Variants in NR2F6 observed in about 807,000 individuals in gnomAD.
NR2F6 encodes the protein nuclear receptor subfamily 2 group F member 6.
In NR2F6, 16 loss-of-function variants were observed where a neutral mutation model predicts 26.5. The observed-to-expected ratio is 0.60, with a 90% CI of 0.41 to 0.92. NR2F6 has a LOEUF of 0.92. Among genes scored for constraint, NR2F6 ranks in the 40% least tolerant of loss-of-function variants. NR2F6 has a pLI of 0.00. For synonymous variants in NR2F6, 325 were observed against 305.0 expected (o/e 1.07, Z -0.68); for missense variants, 536 against 631.7 (o/e 0.85, Z 1.62).
In NR2F6 at chr19:17,244,941, AC is replaced by A; in HGVS notation, c.278+1del. On this transcript the variant is annotated splice_donor_variant, in intron 1 of 3. Coordinates refer to ENST00000291442, the MANE Select transcript of NR2F6 (RefSeq NM_005234.4). LOFTEE classifies it high-confidence loss of function. ...GCGGCGGCGCGCGGATGGGGGGCTC[AC>A]CGGCAGGTGTAGCTGAGGTTGCGGC... 1 of 1,560,780 alleles carries A rather than the reference AC, an allele frequency of 6.4e-7. No individual in the cohort carries two copies. The highest frequency in any genetic ancestry group is 8.7e-7 in the Non-Finnish European group (1 of 1,153,084).
At position 17,232,726 on chromosome 19, in the gene NR2F6, C is replaced by T. The variant is rs955823577; in HGVS notation, c.941-100G>A. The T allele has an allele frequency of 1.2e-5, 17 of 1,393,684 alleles. No individual in the cohort carries two copies. The African/African-American group carries it at 2.5e-4, about 20-fold the overall frequency. The allele number at this position is 1,393,684 out of a possible 1,614,324, so 86.3% of individuals were successfully genotyped here. ...CACCACTCGCCACTGTGGGTAAGAA[C>T]AGGGGGCCGGGCATGATGGCTCACG... On this transcript the variant is annotated intron_variant, in intron 3 of 3. Transcript: ENST00000291442.
intron 2 of NR2F6, among the ~76,000 whole-genome samples, chr19:17,237,919 C>T (rs1024150581): frequency 1.2e-4 from 18 of 152,234 alleles, no homozygotes; most frequent in African/African-American, 3.4e-4. Flanking sequence ...GCAGGAAGAT[C>T]GCTTGAGCCC....
chr19:17,235,845 G>A lies in NR2F6; in HGVS notation c.594C>T (p.Gly198=), dbSNP rs1215916778. The A allele has an allele frequency of 1.4e-6, 2 of 1,473,524 alleles. No homozygotes were observed. Among genetic ancestry groups the A allele is most frequent in the Non-Finnish European group, 8.9e-7 (1 of 1,120,928 alleles). 91.3% of individuals were successfully genotyped at this position (1,473,524 alleles called of 1,614,324 possible). A position where few individuals can be genotyped will look rare whatever the true frequency, so the allele number is the denominator to read the frequency against. Residue 198 remains glycine (G), a synonymous_variant, in exon 3 of 4, where the codon GGC becomes GGT. Coordinates refer to ENST00000291442, the MANE Select transcript of NR2F6 (RefSeq NM_005234.4). The surrounding 1 kb of genome is among the most constrained non-coding windows in gnomAD (Gnocchi z 5.0). The part of the protein sequence containing the change: ...AGGGAAGAVL[G]IDNVCELAAR... ...CCGCCAGCTCGCACACGTTGTCGAT[G>A]CCCAGCACCGCGCCCGCCGCGCCGC...
Position 17,235,759 on chromosome 19 carries a change from G to T in NR2F6, c.680C>A (p.Pro227Gln), listed in dbSNP as rs2073432929. Residue 227 changes from proline to glutamine, a missense_variant, in exon 3 of 4, where the codon CCG becomes CAG. By Grantham distance (76) the Pro-to-Gln change is moderately conservative. Coordinates refer to ENST00000291442, the MANE Select transcript of NR2F6 (RefSeq NM_005234.4). The surrounding 1 kb of genome is among the most constrained non-coding windows in gnomAD (Gnocchi z 5.0). Reference protein sequence around the residue: ...ARHAPFFPELPVADQVALLRL... With the variant: ...ARHAPFFPELQVADQVALLRL... ...CAGCAGCGCCACCTGGTCGGCCACCGGCAGCTCGGGGAAGAAGGGCGCGTG... is the reference window on the plus strand; with the variant it reads ...CAGCAGCGCCACCTGGTCGGCCACCTGCAGCTCGGGGAAGAAGGGCGCGTG... 2 of 1,499,814 alleles carry T rather than the reference G, an allele frequency of 1.3e-6. No homozygotes were observed. The highest frequency in any genetic ancestry group is 2.5e-5 in the South Asian group (2 of 80,574). 92.9% of individuals were successfully genotyped at this position (1,499,814 alleles called of 1,614,324 possible). A position where few individuals can be genotyped will look rare whatever the true frequency, so the allele number is the denominator to read the frequency against.
At chr19:17,236,098 GC>G in intron 2 of NR2F6, 33 bp from the exon 3 acceptor site, 2 of 759,938 alleles carry the variant, frequency 2.6e-6, no homozygotes, top group East Asian at 7.9e-5. Flanking sequence ...GGACATGGGG[GC>G]GGGAGGGGAG....
chr19:17,239,126 C>G (rs1378973276), intron 2 of NR2F6, among the ~76,000 whole-genome samples: 1 of 151,948 alleles, frequency 6.6e-6, no homozygotes, highest in Non-Finnish European at 1.5e-5. Flanking sequence ...ATCACGAGAT[C>G]AGGAGATCGA....
chr19:17,235,620 C>G lies in NR2F6; in HGVS notation c.819G>C (p.Glu273Asp), dbSNP rs752973936. 3.6e-5 allele frequency: 56 copies of G among 1,553,574 alleles called. No homozygotes were observed. Among genetic ancestry groups the G allele is most frequent in the Non-Finnish European group, 4.8e-5 (56 of 1,158,642 alleles). Residue 273 changes from glutamate (E) to aspartate (D), a missense_variant, in exon 3 of 4, where the codon GAG becomes GAC. By Grantham distance (45) the Glu-to-Asp change is conservative. Transcript: ENST00000291442. This position sits in a 1 kb window ranked among gnomAD's most constrained non-coding sequence, Gnocchi z 5.0. The part of the protein sequence containing the change: ...AGLHAAPMAA[E>D]RAVAFMDQVR... ...CCTGGTCCATGAAAGCCACGGCGCG[C>G]TCGGCGGCCATAGGCGCGGCGTGGA...
In NR2F6 at chr19:17,232,716, TG is replaced by T. The variant is rs796452155; in HGVS notation, c.941-91del. On this transcript the variant is annotated intron_variant, in intron 3 of 3. Coordinates refer to ENST00000291442, the MANE Select transcript of NR2F6 (RefSeq NM_005234.4). Reference sequence around the variant, plus strand: ...GACTAGGGGACACCACTCGCCACTGTGGGTAAGAACAGGGGGCCGGGCATGA... The same window carrying T: ...GACTAGGGGACACCACTCGCCACTGTGGTAAGAACAGGGGGCCGGGCATGA... 2.1e-6 allele frequency: 3 copies of T among 1,440,174 alleles called. No individual in the cohort carries two copies. In the African/African-American group the frequency reaches 4.3e-5, roughly 20 times the overall value. 89.2% of individuals were successfully genotyped at this position (1,440,174 alleles called of 1,614,324 possible). A position where few individuals can be genotyped will look rare whatever the true frequency, so the allele number is the denominator to read the frequency against.
At chr19:17,239,898 G>C (rs1028628618) in intron 2 of NR2F6, among the ~76,000 whole-genome samples, 2 of 152,118 alleles carry the variant, frequency 1.3e-5, no homozygotes, top group Admixed American at 1.3e-4. Context: ...ACATTAGAAA[G>C]AACTGCCAGC....
At chr19:17,238,400 G>A (rs2073450821) in intron 2 of NR2F6, among the ~76,000 whole-genome samples, 1 of 152,164 alleles carries the variant, frequency 6.6e-6, no homozygotes, top group South Asian at 2.1e-4. Flanking sequence ...CTGAGGAGGT[G>A]ATGTTTGAGC....
At chr19:17,233,612 G>A (rs59718701) in intron 3 of NR2F6, among the ~76,000 whole-genome samples, 2 of 152,036 alleles carry the variant, frequency 1.3e-5, no homozygotes, top group African/African-American at 2.4e-5. Flanking sequence ...TTCTCCTGCC[G>A]CAGCCTCACA....
intron 1 of NR2F6, among the ~76,000 whole-genome samples, chr19:17,242,232 C>T (rs1281395908): frequency 2.6e-5 from 4 of 152,154 alleles, no homozygotes; most frequent in African/African-American, 7.2e-5. Context: ...GCAGGAGAAC[C>T]GCTTGAACCC....
At chr19:17,233,650 C>T (rs2145562471) in intron 3 of NR2F6, among the ~76,000 whole-genome samples, 1 of 152,254 alleles carries the variant, frequency 6.6e-6, no homozygotes, top group Middle Eastern at 3.4e-3. Context: ...GCACACTCCA[C>T]CACGCCTAGC....
At chr19:17,241,302 G>A (rs1002524896) in intron 1 of NR2F6, among the ~76,000 whole-genome samples, 3 of 150,422 alleles carry the variant, frequency 2.0e-5, no homozygotes, top group African/African-American at 7.4e-5. Flanking sequence ...ATTATCACCC[G>A]CACAATGCCC....
chr19:17,232,697 G>A (rs2145561779), intron 3 of NR2F6, 71 bp from the exon 4 acceptor site: 2 of 1,477,988 alleles, frequency 1.4e-6, no homozygotes, highest in South Asian at 1.4e-5. Flanking sequence ...GGGTGACTAG[G>A]GGACACCACT....
chr19:17,243,046 G>A (rs1192535853), intron 1 of NR2F6, among the ~76,000 whole-genome samples: 6 of 152,144 alleles, frequency 3.9e-5, no homozygotes, highest in Non-Finnish European at 7.4e-5. Context: ...TCCCATGGCT[G>A]CACAGTCCCC....
intron 3 of NR2F6, among the ~76,000 whole-genome samples, chr19:17,234,679 T>A (rs2073425904): frequency 6.6e-6 from 1 of 151,626 alleles, no homozygotes; most frequent in Non-Finnish European, 1.5e-5. Context: ...TGAGACCACG[T>A]CTCTACAGAA....
chr19:17,241,966 A>G (rs1460886975), intron 1 of NR2F6, among the ~76,000 whole-genome samples: 1 of 150,700 alleles, frequency 6.6e-6, no homozygotes, highest in Non-Finnish European at 1.5e-5. Flanking sequence ...CAGTGAGCCA[A>G]GATTGACCCA....
Position 17,235,694 on chromosome 19 carries a change from G to C in NR2F6, c.745C>G (p.Gln249Glu). 1 of 1,490,716 alleles carries C rather than the reference G, an allele frequency of 6.7e-7. No individual in the cohort carries two copies. The highest frequency in any genetic ancestry group is 2.4e-5 in the Admixed American group (1 of 42,084). 92.3% of individuals were successfully genotyped at this position (1,490,716 alleles called of 1,614,324 possible). A position where few individuals can be genotyped will look rare whatever the true frequency, so the allele number is the denominator to read the frequency against. Residue 249 changes from glutamine to glutamate, a missense_variant, in exon 3 of 4, where the codon CAG becomes GAG. Transcript: ENST00000291442. The surrounding 1 kb of genome is among the most constrained non-coding windows in gnomAD (Gnocchi z 5.0). ...GCCGTGTGCAGGGGCAGCGCCGCCT[G>C]CGCCGCGTTCAGCACGAAGAGCTCG... The part of the protein sequence containing the change: ...WSELFVLNAA[Q>E]AALPLHTAPL...
Sources: gnomAD v4.1 joint callset for allele counts (sites outside exome capture counted in the v4.1 genomes callset) on GRCh38, gnomAD v4.1.1 for gene constraint, Gnocchi (gnomAD v3.1) non-coding constraint, MANE v1.5 for transcripts, NCBI Gene and HGNC (gene_info 2026-07-23, HGNC 2026-07-21) for gene names.